HIF1A: variants seen among roughly 807,000 people sequenced by gnomAD.
HIF1A encodes hypoxia inducible factor 1 subunit alpha.
In HIF1A, 24 loss-of-function variants were observed where a neutral mutation model predicts 92.7. The observed-to-expected ratio is 0.26, with a 90% CI of 0.19 to 0.36. The LOEUF is 0.36. Ranked by LOEUF, HIF1A falls within the 10% of genes least tolerant of loss-of-function variation. HIF1A has a pLI of 1.00. For synonymous variants in HIF1A, 319 were observed against 338.7 expected, an observed-to-expected ratio of 0.94 and a Z score of 0.64; for missense variants, 799 against 998.5, an observed-to-expected ratio of 0.80 and a Z score of 2.69.
intron 1 of HIF1A, chr14:61,698,856 C>G (rs1410619523): frequency 6.6e-6 from 1 of 152,158 alleles, no homozygotes; most frequent in African/African-American, 2.4e-5. Flanking sequence ...TGAGTTTACT[C>G]TGGACTCTAG....
chr14:61,717,497 A>G (rs975441610), intron 1 of HIF1A, among the ~76,000 whole-genome samples: 6 of 152,154 alleles, frequency 3.9e-5, no homozygotes, highest in East Asian at 1.9e-4. Flanking sequence ...TGTCAACTCT[A>G]TATTAGTTGT....
intron 4 of HIF1A, 38 bp downstream of exon 4, chr14:61,721,861 G>A (rs1376463981): frequency 7.0e-7 from 1 of 1,426,540 alleles, no homozygotes; most frequent in Non-Finnish European, 9.9e-7. Flanking sequence ...TGTGACAGGT[G>A]GTTTTACATA....
intron 7 of HIF1A, among the ~76,000 whole-genome samples, chr14:61,732,804 G>C (rs2044592492): frequency 6.6e-6 from 1 of 152,174 alleles, no homozygotes; most frequent in African/African-American, 2.4e-5. Flanking sequence ...ATAATTTTCA[G>C]AATTCACATA....
chr14:61,696,276 C>T (rs1224154450), intron 1 of HIF1A, among the ~76,000 whole-genome samples: 1 of 152,286 alleles, frequency 6.6e-6, no homozygotes, highest in African/African-American at 2.4e-5. Context: ...CCCCCATCCT[C>T]TCCAGTTCCA....
intron 6 of HIF1A, among the ~76,000 whole-genome samples, chr14:61,729,018 G>C (rs1165128525): frequency 6.6e-6 from 1 of 152,066 alleles, no homozygotes; most frequent in African/African-American, 2.4e-5. Context: ...TCTAAACTTA[G>C]CATGGCAAAC....
At chr14:61,701,178 A>C (rs1022676609) in intron 1 of HIF1A, among the ~76,000 whole-genome samples, 1 of 152,226 alleles carries the variant, frequency 6.6e-6, no homozygotes, top group Non-Finnish European at 1.5e-5. Flanking sequence ...GTTAGCTTTT[A>C]GCTGTTCTGG....
Position 61,741,522 on chromosome 14 carries a change from C to T in HIF1A, c.2093+334C>T, listed in dbSNP as rs193015276. The stretch of plus-strand genomic sequence containing the variant: ...CTGGGATTACAGGCATGCACCACCA[C>T]GCCCGGCTGATTTTTTTGGTATTTT... On this transcript the variant is annotated intron_variant, in intron 12 of 14. Transcript: ENST00000337138. Among the ~76,000 whole-genome samples the T allele has an allele frequency of 2.0e-3, 298 of 151,806 alleles. 5 individuals are homozygous for T. The East Asian group carries it at 0.034, about 17-fold the overall frequency.
chr14:61,741,250 T>C, intron 12 of HIF1A, 62 bp downstream of exon 12: 1 of 1,169,326 alleles, frequency 8.6e-7, no homozygotes. Context: ...ATGTATGTGA[T>C]AGTACATGAT....
In HIF1A at chr14:61,745,694, A is replaced by C. The variant is rs756312158; in HGVS notation, c.2206A>C (p.Thr736Pro). Residue 736 changes from threonine to proline, a missense_variant, in exon 14 of 15, where the codon ACA becomes CCA. This residue lies in a region of HIF1A where 283 missense variants were observed against 277.5 expected (regional missense o/e 1.02). Coordinates refer to ENST00000337138, the MANE Select transcript of HIF1A (RefSeq NM_001530.4). ...GAAATAACTTTACTGTTTATAGGGA[A>C]CATTATTACAGCAGCCAGACGATCA... The part of the protein sequence containing the change: ...GSLFQAVGIG[T>P]LLQQPDDHAA... 6.2e-7 allele frequency: 1 copy of C among 1,612,984 alleles called. No individual in the cohort carries two copies. The highest frequency in any genetic ancestry group is 1.1e-5 in the South Asian group (1 of 90,792).
chr14:61,697,995 T>A, intron 1 of HIF1A: 1 of 1,216,150 alleles, frequency 8.2e-7, no homozygotes, highest in Non-Finnish European at 1.1e-6. Flanking sequence ...GGACATTTCA[T>A]GTTGTTCCTA....
intron 6 of HIF1A, 46 bp from the exon 7 acceptor site, chr14:61,732,372 C>T (rs774034655): frequency 4.7e-6 from 6 of 1,277,454 alleles, no homozygotes; most frequent in African/African-American, 1.5e-5. Flanking sequence ...TTTTCTTTAT[C>T]AGTGTCTCCC....
intron 6 of HIF1A, among the ~76,000 whole-genome samples, chr14:61,730,607 A>G (rs954144528): frequency 2.6e-5 from 4 of 152,128 alleles, no homozygotes; most frequent in African/African-American, 9.7e-5. Flanking sequence ...GTCTCTAGTC[A>G]TAAGTCTCCT....
intron 1 of HIF1A, among the ~76,000 whole-genome samples, chr14:61,699,472 T>A (rs1442943273): frequency 2.0e-5 from 3 of 151,410 alleles, no homozygotes; most frequent in Admixed American, 6.6e-5. Context: ...TTTTTTTTTT[T>A]TCTGAAGAAC....
Position 61,732,430 on chromosome 14 carries a change from G to T in HIF1A, c.786G>T (p.Leu262Phe). 4 of 1,600,772 alleles carry T rather than the reference G, an allele frequency of 2.5e-6. No homozygotes were observed. Among genetic ancestry groups the T allele is most frequent in the Non-Finnish European group, 3.4e-6 (4 of 1,168,822 alleles). The change falls in exon 7 of 15, where the codon TTG (leucine) becomes TTT (phenylalanine). Residue 262 changes from leucine (L) to phenylalanine (F), a missense_variant. By Grantham distance (22) the Leu-to-Phe change is conservative. Transcript: ENST00000337138. ...FSYCDERITELMGYEPEELLG... is the reference protein window; with the variant it reads ...FSYCDERITEFMGYEPEELLG... The stretch of plus-strand genomic sequence containing the variant: ...TTTTTACTAACAGAATTACCGAATT[G>T]ATGGGATATGAGCCAGAAGAACTTT...
chr14:61,732,777 ATAGAG>A (rs1363878043), intron 7 of HIF1A, among the ~76,000 whole-genome samples: 1 of 152,258 alleles, frequency 6.6e-6, no homozygotes, highest in Admixed American at 6.5e-5. Flanking sequence ...TCCAAATATT[ATAGAG>A]TATTGAATAG....
At position 61,713,361 on chromosome 14, in the gene HIF1A, T is replaced by A. The variant is rs73329698; in HGVS notation, c.36-7021T>A. 4.5e-3 allele frequency among the ~76,000 whole-genome samples: 689 copies of A among 152,280 alleles called. 9 individuals are homozygous for A. Among genetic ancestry groups the A allele is most frequent in the African/African-American group, 0.016 (659 of 41,538 alleles). On this transcript the variant is annotated intron_variant, in intron 1 of 14. Coordinates refer to ENST00000337138, the MANE Select transcript of HIF1A (RefSeq NM_001530.4). ...AGCTAGTGGTTCCCAAACTTACGTA[T>A]CATATGCATCTTGGAAGTTTTTAAA...
chr14:61,697,022 C>T (rs563321543), intron 1 of HIF1A, among the ~76,000 whole-genome samples: 1 of 152,282 alleles, frequency 6.6e-6, no homozygotes, highest in South Asian at 2.1e-4. Flanking sequence ...TTAAGGAAAT[C>T]ACTTAAGGAA....
intron 12 of HIF1A, among the ~76,000 whole-genome samples, chr14:61,741,775 A>G (rs2044715129): frequency 6.6e-6 from 1 of 152,226 alleles, no homozygotes; most frequent in Non-Finnish European, 1.5e-5. Context: ...AAATGTGTTT[A>G]CAGAACTTGT....
At chr14:61,730,422 A>G (rs894106745) in intron 6 of HIF1A, among the ~76,000 whole-genome samples, 3 of 152,164 alleles carry the variant, frequency 2.0e-5, no homozygotes, top group African/African-American at 7.2e-5. Context: ...TCCTATGACA[A>G]TATAAACAAT....
Sources: allele counts gnomAD v4.1 joint callset (sites outside exome capture counted in the v4.1 genomes callset), GRCh38; gene constraint gnomAD v4.1.1; regional missense constraint gnomAD v4.1.1; transcripts MANE v1.5; gene names NCBI Gene and HGNC (gene_info 2026-07-23, HGNC 2026-07-21).